The following SDK2 variants were observed in gnomAD, a reference collection of about 807,000 sequenced individuals.
SDK2 encodes protein sidekick-2.
In SDK2, 105 loss-of-function variants were observed where a neutral mutation model predicts 253.9. That is an observed-to-expected ratio of 0.41 (90% confidence interval 0.35 to 0.49). The LOEUF is 0.49. SDK2 is among the 20% of genes least tolerant of loss of function. The pLI, the probability that SDK2 is intolerant of heterozygous loss-of-function variation, is 0.06. For missense variants in SDK2, 2,608 were observed against 3,003.0 expected (o/e 0.87, Z 3.07); for synonymous variants, 1,249 against 1,234.9 (o/e 1.01, Z -0.24).
chr17:73,448,890 A>G (rs1481137778), intron 4 of SDK2, among the ~76,000 whole-genome samples: 2 of 150,768 alleles, frequency 1.3e-5, no homozygotes, highest in Non-Finnish European at 2.9e-5. Context: ...CAAACTCCTG[A>G]CCTCAAGTGA....
chr17:73,559,140 G>A (rs1027474145), intron 1 of SDK2, among the ~76,000 whole-genome samples: 8 of 152,208 alleles, frequency 5.3e-5, no homozygotes, highest in African/African-American at 4.8e-5. Flanking sequence ...TGCCTGCACC[G>A]GGGCCCCACA....
intron 1 of SDK2, among the ~76,000 whole-genome samples, chr17:73,514,476 C>T (rs1047903222): frequency 5.9e-5 from 9 of 152,196 alleles, no homozygotes; most frequent in South Asian, 2.1e-4. Context: ...GTGTCCATCT[C>T]ACTGTTCAGG....
At chr17:73,601,083 GA>G (rs2045832275) in intron 1 of SDK2, among the ~76,000 whole-genome samples, 1 of 150,958 alleles carries the variant, frequency 6.6e-6, no homozygotes, top group Non-Finnish European at 1.5e-5. Context: ...GCAGTGGCAT[GA>G]TCTCAGCTCA....
chr17:73,564,058 G>A (rs1231676055), intron 1 of SDK2, among the ~76,000 whole-genome samples: 1 of 152,152 alleles, frequency 6.6e-6, no homozygotes, highest in Non-Finnish European at 1.5e-5. Flanking sequence ...ACAGGTATGA[G>A]CCGCTGTGCC....
intron 1 of SDK2, among the ~76,000 whole-genome samples, chr17:73,523,054 G>A (rs2064095226): frequency 6.6e-6 from 1 of 152,206 alleles, no homozygotes; most frequent in Non-Finnish European, 1.5e-5. Context: ...TCTCTTGCTG[G>A]CAGATGGGAA....
At chr17:73,624,171 T>TA (rs2046171552) in intron 1 of SDK2, among the ~76,000 whole-genome samples, 1 of 152,226 alleles carries the variant, frequency 6.6e-6, no homozygotes, top group Non-Finnish European at 1.5e-5. Flanking sequence ...TCTCCATACA[T>TA]ACTCCAGGCA....
Position 73,352,679 on chromosome 17 carries a change from A to G in SDK2, c.5594-42T>C. 1 of 1,605,326 alleles carries G rather than the reference A, an allele frequency of 6.2e-7. No individual in the cohort carries two copies. The highest frequency in any genetic ancestry group is 8.5e-7 in the Non-Finnish European group (1 of 1,173,018). ...ATGGAGGCCCTGGGAGGTGAGGGGA[A>G]GCCCCAAATCCCGCTCCCAGCCCCG... On this transcript the variant is annotated intron_variant, in intron 40 of 44. Coordinates refer to ENST00000392650, the MANE Select transcript of SDK2 (RefSeq NM_001144952.2). This position sits in a 1 kb window ranked among gnomAD's most constrained non-coding sequence, Gnocchi z 4.1.
intron 1 of SDK2, among the ~76,000 whole-genome samples, chr17:73,569,668 T>G (rs1266539098): frequency 2.0e-5 from 3 of 150,870 alleles, no homozygotes; most frequent in African/African-American, 7.3e-5. Flanking sequence ...AGCCCCTCTG[T>G]GTGATTTTAA....
chr17:73,595,914 C>T (rs190781589), intron 1 of SDK2, among the ~76,000 whole-genome samples: 1 of 151,774 alleles, frequency 6.6e-6, no homozygotes, highest in African/African-American at 2.4e-5. Context: ...TCAAGCAGCC[C>T]GAGAGTGTGG....
intron 4 of SDK2, among the ~76,000 whole-genome samples, chr17:73,454,725 T>C (rs1381876106): frequency 6.6e-6 from 1 of 151,522 alleles, no homozygotes; most frequent in African/African-American, 2.4e-5. Context: ...TGAGATGGAG[T>C]CTGGTTTTGT....
chr17:73,426,590 CA>C (rs2063286048), intron 12 of SDK2, among the ~76,000 whole-genome samples: 1 of 152,068 alleles, frequency 6.6e-6, no homozygotes, highest in Admixed American at 6.6e-5. Flanking sequence ...ACAACCATTC[CA>C]AATCATTTCC....
At chr17:73,370,987 C>T (rs1215330903) in intron 36 of SDK2, among the ~76,000 whole-genome samples, 1 of 151,792 alleles carries the variant, frequency 6.6e-6, no homozygotes, top group Admixed American at 6.6e-5. Context: ...TGGCTGGAAC[C>T]CGGGAGGTGA....
At chr17:73,483,479 TTGTGTGTGTG>T (rs146198916) in intron 2 of SDK2, among the ~76,000 whole-genome samples, 1 of 127,670 alleles carries the variant, frequency 7.8e-6, no homozygotes, top group East Asian at 2.2e-4. Flanking sequence ...TGGCTAATCT[TTGTGTGTGTG>T]TGTGTGTGTG....
chr17:73,449,909 C>T (rs1313589024), intron 4 of SDK2, among the ~76,000 whole-genome samples: 5 of 151,822 alleles, frequency 3.3e-5, no homozygotes, highest in South Asian at 2.1e-4. Flanking sequence ...AGCAACAGAG[C>T]GAAACTCCAT....
chr17:73,372,874 T>A (rs1054431468), intron 36 of SDK2, among the ~76,000 whole-genome samples: 1 of 152,262 alleles, frequency 6.6e-6, no homozygotes, highest in Non-Finnish European at 1.5e-5. Flanking sequence ...CTAATTAACA[T>A]GTTCATCATC....
chr17:73,340,734 GT>G lies in SDK2; in HGVS notation c.6166-1795del, dbSNP rs10638504. Among the ~76,000 whole-genome samples the G allele has an allele frequency of 7.8e-3, 601 of 77,506 alleles. 1 individual carries two copies. The highest frequency in any genetic ancestry group is 0.03 in the African/African-American group (576 of 19,274). 50.8% of individuals were successfully genotyped at this position (77,506 alleles called of 152,430 possible). A position where few individuals can be genotyped will look rare whatever the true frequency, so the allele number is the denominator to read the frequency against. ...ATTTTCATGTAATGAAAACCTTAAAGTTTTTTTTTTTTTTTTTTTTTTTTTT... is the reference window on the plus strand; with the variant it reads ...ATTTTCATGTAATGAAAACCTTAAAGTTTTTTTTTTTTTTTTTTTTTTTTT... On this transcript the variant is annotated intron_variant, in intron 44 of 44. Coordinates refer to ENST00000392650, the MANE Select transcript of SDK2 (RefSeq NM_001144952.2).
intron 14 of SDK2, 82 bp from the exon 15 acceptor site, chr17:73,422,516 C>T: frequency 6.7e-7 from 1 of 1,492,328 alleles, no homozygotes; most frequent in Non-Finnish European, 9.2e-7. Context: ...CCAGCAGGGT[C>T]CAGCTTCACT....
rs1418926836 is a variant in SDK2 at position 73,401,036 on chromosome 17, G to A, written c.2955C>T (p.Ser985=). The change falls in exon 21 of 45, where the codon TCC becomes TCT. Residue 985 remains serine (S), a synonymous_variant. Coordinates refer to ENST00000392650, the MANE Select transcript of SDK2 (RefSeq NM_001144952.2). ...GGCACTTACCTGGGGGCACCCCAGA[G>A]GAGATGGTGGAGGCGGACACTTGGC... is the stretch of plus-strand genomic sequence containing the variant. ...GQGQVSASTI[S]SGVPPELPGP... 1.9e-6 allele frequency: 3 copies of A among 1,575,768 alleles called. No homozygotes were observed. The African/African-American group carries it at 4.0e-5, about 21-fold the overall frequency.
At chr17:73,463,994 C>A (rs1050682636) in intron 3 of SDK2, among the ~76,000 whole-genome samples, 1 of 152,200 alleles carries the variant, frequency 6.6e-6, no homozygotes, top group Non-Finnish European at 1.5e-5. Context: ...TGAGTTTCCA[C>A]CAACACTTGG....
Sources: allele counts gnomAD v4.1 joint callset (sites outside exome capture counted in the v4.1 genomes callset), GRCh38; gene constraint gnomAD v4.1.1; non-coding constraint Gnocchi (gnomAD v3.1); transcripts MANE v1.5; gene names NCBI Gene and HGNC (gene_info 2026-07-23, HGNC 2026-07-21).